Variants in MSH6 observed in about 807,000 individuals in gnomAD.
The protein encoded by MSH6 is DNA mismatch repair protein Msh6.
A neutral mutation model predicts 119.1 loss-of-function variants in MSH6; 85 were observed. The observed-to-expected ratio is 0.71, with a 90% CI of 0.60 to 0.85. The LOEUF (loss-of-function observed/expected upper bound fraction) is 0.85. MSH6 is among the 40% of genes least tolerant of loss of function. MSH6 has a pLI of 0.00. For synonymous variants in MSH6, 830 were observed against 586.9 expected, an observed-to-expected ratio of 1.41 and a Z score of -5.99; for missense variants, 2,163 against 1,655.3, an observed-to-expected ratio of 1.31 and a Z score of -5.32.
rs587779227 is a variant in MSH6, at chr2:47,800,040, G to A, written c.2057G>A (p.Gly686Asp). The change falls in exon 4 of 10, where the codon GGT becomes GAT. Residue 686 changes from glycine (G) to aspartate (D), a missense_variant. Transcript: ENST00000234420. ...KSELALSALG[G>D]CVFYLKKCLI... ...GAATTGGCCCTCTCTGCTCTAGGTG[G>A]TTGTGTCTTCTACCTCAAAAAATGC... is the stretch of plus-strand genomic sequence containing the variant. The A allele has an allele frequency of 4.3e-6, 7 of 1,614,032 alleles. No individual in the cohort carries two copies. Among genetic ancestry groups the A allele is most frequent in the Non-Finnish European group, 5.9e-6 (7 of 1,180,032 alleles).
At chr2:47,793,085 C>T (rs1668841818) in intron 2 of MSH6, among the ~76,000 whole-genome samples, 1 of 151,648 alleles carries the variant, frequency 6.6e-6, no homozygotes, top group Non-Finnish European at 1.5e-5. Context: ...CTTTGGAAGG[C>T]CAAGGCAGGT....
chr2:47,791,198 G>C (rs2104116680), intron 2 of MSH6, 75 bp downstream of exon 2: 1 of 1,391,924 alleles, frequency 7.2e-7, no homozygotes, highest in Non-Finnish European at 1.0e-6. Flanking sequence ...CAGACAGGCA[G>C]ACTTTTTTCT....
At chr2:47,808,343 A>C, downstream of MSH6, 1 of 1,612,490 alleles carries the variant, frequency 6.2e-7, no homozygotes, top group Non-Finnish European at 8.5e-7. Flanking sequence ...CATGTCTAAT[A>C]AACTCTACAT....
chr2:47,799,104 A>C lies in MSH6; in HGVS notation c.1121A>C (p.Lys374Thr). Reference sequence around the variant, plus strand: ...TATCATGAAACTTTAGAATGGCTTAAGGAGGAAAAGAGAAGAGATGAGCAC... The same window carrying C: ...TATCATGAAACTTTAGAATGGCTTACGGAGGAAAAGAGAAGAGATGAGCAC... ...VWYHETLEWL[K>T]EEKRRDEHRR... Residue 374 changes from lysine to threonine, a missense_variant, in exon 4 of 10, where the codon AAG (lysine) becomes ACG (threonine). Lys to Thr is a moderately conservative substitution (Grantham distance 78). Transcript: ENST00000234420. The C allele has an allele frequency of 6.2e-7, 1 of 1,614,144 alleles. No homozygotes were observed. The highest frequency in any genetic ancestry group is 8.5e-7 in the Non-Finnish European group (1 of 1,179,988).
downstream of MSH6, chr2:47,807,416 G>T (rs943584277): frequency 9.7e-6 from 2 of 206,202 alleles, no homozygotes; most frequent in Non-Finnish European, 2.0e-5. Context: ...ATGCTGCACA[G>T]GGAAGGGAAG....
chr2:47,791,300 CT>C (rs1450224760), intron 2 of MSH6, among the ~76,000 whole-genome samples, 177 bp downstream of exon 2: 1 of 152,094 alleles, frequency 6.6e-6, no homozygotes, highest in East Asian at 1.9e-4. Flanking sequence ...GTAACATGGT[CT>C]TTAGCTGGTT....
chr2:47,802,818 C>G (rs1227235978), intron 4 of MSH6, among the ~76,000 whole-genome samples: 1 of 152,066 alleles, frequency 6.6e-6, no homozygotes, highest in Non-Finnish European at 1.5e-5. Context: ...GTTCAAAAAC[C>G]AGTCTTCAGA....
chr2:47,786,057 G>A (rs894070675), intron 1 of MSH6, among the ~76,000 whole-genome samples: 4 of 150,812 alleles, frequency 2.7e-5, no homozygotes, highest in Non-Finnish European at 6.0e-5. Flanking sequence ...AGAGGCAATT[G>A]TAGACTCCAA....
downstream of MSH6, chr2:47,808,506 T>C (rs1236111025): frequency 7.6e-7 from 1 of 1,309,108 alleles, no homozygotes; most frequent in African/African-American, 1.5e-5. Context: ...TATATTACTA[T>C]GACCTTTGGC....
At position 47,788,488 on chromosome 2, in the gene MSH6, C is replaced by G. The variant is rs201674405; in HGVS notation, c.261-2439C>G. On this transcript the variant is annotated intron_variant, in intron 1 of 9. Coordinates refer to ENST00000234420, the MANE Select transcript of MSH6 (RefSeq NM_000179.3). ...CAGGCCAGTCTCGAACTCCTGACCT[C>G]GTGATCAACCCGCCTTGGCCTTTCA... is the stretch of plus-strand genomic sequence containing the variant. 2.7e-4 allele frequency among the ~76,000 whole-genome samples: 40 copies of G among 149,844 alleles called. No individual in the cohort carries two copies. In the East Asian group the frequency reaches 7.6e-3, roughly 29 times the overall value.
At chr2:47,796,571 T>C (rs1022129165) in intron 3 of MSH6, among the ~76,000 whole-genome samples, 1 of 152,238 alleles carries the variant, frequency 6.6e-6, no homozygotes, top group Admixed American at 6.5e-5. Flanking sequence ...TCTAAAACTT[T>C]TTTTGTTGTA....
chr2:47,809,005 A>G (rs1670428151), downstream of MSH6: 2 of 540,430 alleles, frequency 3.7e-6, no homozygotes, highest in Non-Finnish European at 3.3e-6. Flanking sequence ...CCACAGTTAC[A>G]GTCTTAAACA....
Position 47,799,089 on chromosome 2 carries a change from C to T in MSH6, c.1106C>T (p.Thr369Ile), listed in dbSNP as rs375974046. ...SSRPTVWYHE[T>I]LEWLKEEKRR... The stretch of plus-strand genomic sequence containing the variant: ...CGCCCTACTGTTTGGTATCATGAAA[C>T]TTTAGAATGGCTTAAGGAGGAAAAG... Residue 369 changes from threonine to isoleucine, a missense_variant, in exon 4 of 10, where the codon ACT becomes ATT. By Grantham distance (89) the Thr-to-Ile change is moderately conservative. Transcript: ENST00000234420. 52 of 1,614,134 alleles carry T rather than the reference C, an allele frequency of 3.2e-5. No homozygotes were observed. The highest frequency in any genetic ancestry group is 4.3e-5 in the Non-Finnish European group (51 of 1,180,018).
intron 3 of MSH6, among the ~76,000 whole-genome samples, chr2:47,796,767 C>T (rs1339246542): frequency 1.3e-5 from 2 of 152,106 alleles, no homozygotes; most frequent in Non-Finnish European, 2.9e-5. Flanking sequence ...TCAAGACCAG[C>T]CTGGCCAACA....
In MSH6 at chr2:47,800,624, G is replaced by A. The variant is rs998186339; in HGVS notation, c.2641G>A (p.Gly881Ser). ...IIGIMEEVADGFKSKILKQVI... is the reference protein window; with the variant it reads ...IIGIMEEVADSFKSKILKQVI... ...AGGGATCATGGAAGAAGTTGCTGAT[G>A]GTTTTAAGTCTAAAATCCTTAAGCA... The change falls in exon 4 of 10, where the codon GGT becomes AGT. Residue 881 changes from glycine to serine, a missense_variant. By Grantham distance (56) the Gly-to-Ser change is moderately conservative. Transcript: ENST00000234420. The A allele has an allele frequency of 2.5e-5, 41 of 1,613,994 alleles. No individual in the cohort carries two copies. The highest frequency in any genetic ancestry group is 3.3e-5 in the Non-Finnish European group (39 of 1,180,026).
At position 47,805,031 on chromosome 2, in the gene MSH6, A is replaced by G. The variant is rs756946852; in HGVS notation, c.3556+4A>G. The G allele has an allele frequency of 4.4e-6, 7 of 1,599,402 alleles. No individual in the cohort carries two copies. The highest frequency in any genetic ancestry group is 6.0e-6 in the Non-Finnish European group (7 of 1,166,600). On this transcript the variant is annotated splice_donor_region_variant and intron_variant, in intron 6 of 9. Transcript: ENST00000234420. The stretch of plus-strand genomic sequence containing the variant: ...GCCTCAGACAGAATAATGTCAGGTG[A>G]GTTTTTTGTTTCCCACTTAAGTTCT...
chr2:47,798,208 G>A (rs1283810658), intron 3 of MSH6: 1 of 177,132 alleles, frequency 5.6e-6, no homozygotes, highest in Admixed American at 5.7e-5. Flanking sequence ...TCTAGAGGTG[G>A]GTTCTTTTTT....
chr2:47,803,155 A>G (rs1669708601), intron 4 of MSH6, among the ~76,000 whole-genome samples: 1 of 151,986 alleles, frequency 6.6e-6, no homozygotes, highest in South Asian at 2.1e-4. Context: ...TGACCTCGTG[A>G]ACTCTGCCCG....
At chr2:47,798,514 T>C (rs1572719505) in intron 3 of MSH6, 97 bp from the exon 4 acceptor site, 2 of 1,272,852 alleles carry the variant, frequency 1.6e-6, no homozygotes, top group African/African-American at 1.5e-5. Context: ...GCTGCACGGG[T>C]ACCATTATAA....
Sources: allele counts gnomAD v4.1 joint callset (sites outside exome capture counted in the v4.1 genomes callset), GRCh38; gene constraint gnomAD v4.1.1; transcripts MANE v1.5; gene names NCBI Gene and HGNC (gene_info 2026-07-23, HGNC 2026-07-21).